Variants in GALNT2 observed in about 807,000 individuals in gnomAD.
GALNT2 encodes the protein polypeptide N-acetylgalactosaminyltransferase 2, also known as UDP-GalNAc:polypeptide N-acetylgalactosaminyltransferase 2.
GALNT2 carries 31 observed loss-of-function variants against 81.4 expected under a neutral mutation model. That is an observed-to-expected ratio of 0.38 (90% CI 0.29 to 0.51). The LOEUF is 0.51. Among genes scored for constraint, GALNT2 ranks in the 20% least tolerant of loss-of-function variants. The pLI is 0.87. For synonymous variants in GALNT2, 303 were observed against 287.4 expected (o/e 1.05, Z -0.55); for missense variants, 629 against 765.7 (o/e 0.82, Z 2.11).
rs753154226 is a variant in GALNT2, at chr1:230,274,486, T to C, written c.1482T>C (p.Asp494=). ...AGGAGAAGTCGGTGAAGCACATGGATTTGTGCCTTACTGTGGTGGACCGGG... is the reference window on the plus strand; with the variant it reads ...AGGAGAAGTCGGTGAAGCACATGGACTTGTGCCTTACTGTGGTGGACCGGG... ...LTKEKSVKHM[D]LCLTVVDRAP... The change falls in exon 15 of 16, where the codon GAT becomes GAC. Residue 494 remains aspartate (D), a synonymous_variant. Transcript: ENST00000366672. 6 of 1,613,764 alleles carry C rather than the reference T, an allele frequency of 3.7e-6. No individual in the cohort carries two copies. In the East Asian group the frequency reaches 1.3e-4, roughly 36 times the overall value.
At chr1:230,160,574 C>A (rs538701360) in intron 1 of GALNT2, among the ~76,000 whole-genome samples, 1 of 152,016 alleles carries the variant, frequency 6.6e-6, no homozygotes, top group African/African-American at 2.4e-5. Context: ...ATTAGCCGGT[C>A]GTGGTAGTGG....
chr1:230,103,866 C>G (rs1660467531), intron 1 of GALNT2, among the ~76,000 whole-genome samples: 1 of 152,186 alleles, frequency 6.6e-6, no homozygotes, highest in Non-Finnish European at 1.5e-5. Flanking sequence ...CTCCCCTTCT[C>G]CTAGTCATTT....
rs1660413100 is a variant in GALNT2 at position 230,101,869 on chromosome 1, C to T, written c.126+34463C>T. Among the ~76,000 whole-genome samples the T allele has an allele frequency of 3.3e-5, 5 of 152,214 alleles. No homozygotes were observed. The South Asian group carries it at 1.0e-3, about 32-fold the overall frequency. ...GGAGAGGATTGATGTGTAGTAAGGACAGTCCGTAGGAGAGATTTAGTGGGG... is the reference window on the plus strand; with the variant it reads ...GGAGAGGATTGATGTGTAGTAAGGATAGTCCGTAGGAGAGATTTAGTGGGG... On this transcript the variant is annotated intron_variant, in intron 1 of 15. Transcript: ENST00000366672.
chr1:230,225,808 C>T (rs1190599389), intron 3 of GALNT2, among the ~76,000 whole-genome samples: 1 of 151,920 alleles, frequency 6.6e-6, no homozygotes, highest in Admixed American at 6.6e-5. Flanking sequence ...ACACCTCTCA[C>T]TTTTCTGTGT....
At chr1:230,208,577 G>A (rs6682595) in intron 3 of GALNT2, among the ~76,000 whole-genome samples, 49,895 of 152,080 alleles carry the variant, frequency 0.33, 8,286 homozygotes, top group Middle Eastern at 0.36. Flanking sequence ...TGGGTGTTAA[G>A]CCCAAGGGAA....
Position 230,243,315 on chromosome 1 carries a change from G to T in GALNT2, c.617G>T (p.Arg206Leu). Residue 206 changes from arginine (R) to leucine (L), a missense_variant, in exon 7 of 16, where the codon CGC becomes CTC. Coordinates refer to ENST00000366672, the MANE Select transcript of GALNT2 (RefSeq NM_004481.5). The surrounding 1 kb of genome is among the most constrained non-coding windows in gnomAD (Gnocchi z 4.2). The part of the protein sequence containing the change: ...LRNDRREGLM[R>L]SRVRGADAAQ... ...CAACTCGCCTCTGCAGGCCTCATGCGCTCACGGGTTCGGGGGGCCGATGCT... is the reference window on the plus strand; with the variant it reads ...CAACTCGCCTCTGCAGGCCTCATGCTCTCACGGGTTCGGGGGGCCGATGCT... 1 of 1,605,196 alleles carries T rather than the reference G, an allele frequency of 6.2e-7. No individual in the cohort carries two copies. Among genetic ancestry groups the T allele is most frequent in the Non-Finnish European group, 8.5e-7 (1 of 1,178,544 alleles).
chr1:230,246,579 C>T (rs931030080), intron 8 of GALNT2, among the ~76,000 whole-genome samples: 2 of 152,186 alleles, frequency 1.3e-5, no homozygotes, highest in Non-Finnish European at 1.5e-5. Flanking sequence ...TGGTCTCTTT[C>T]TGGTTGCTCA....
chr1:230,195,980 C>A (rs186283650), intron 2 of GALNT2, among the ~76,000 whole-genome samples: 19 of 152,294 alleles, frequency 1.2e-4, no homozygotes, highest in Admixed American at 9.2e-4. Flanking sequence ...GCACCAGGGT[C>A]GTCAGCCTCC....
intron 2 of GALNT2, among the ~76,000 whole-genome samples, chr1:230,192,646 A>G (rs1663566747): frequency 6.6e-6 from 1 of 152,270 alleles, no homozygotes; most frequent in East Asian, 1.9e-4. Flanking sequence ...ATTGCACTTT[A>G]TCAATTTGAT....
At chr1:230,149,282 G>A (rs578127195) in intron 1 of GALNT2, among the ~76,000 whole-genome samples, 11 of 152,232 alleles carry the variant, frequency 7.2e-5, no homozygotes, top group Admixed American at 6.5e-4. Context: ...TCCTGGAGCG[G>A]GTGGGAGGAC....
intron 1 of GALNT2, among the ~76,000 whole-genome samples, chr1:230,126,565 A>T (rs1203333042): frequency 1.3e-5 from 2 of 152,158 alleles, no homozygotes; most frequent in African/African-American, 4.8e-5. Flanking sequence ...TCGCGGGTAG[A>T]AACATGAGCG....
At chr1:230,085,966 G>A (rs1209267591) in intron 1 of GALNT2, among the ~76,000 whole-genome samples, 10 of 152,192 alleles carry the variant, frequency 6.6e-5, no homozygotes, top group African/African-American at 9.7e-5. Context: ...TGGGCTCACC[G>A]TATGTCCACA....
intron 2 of GALNT2, among the ~76,000 whole-genome samples, chr1:230,188,394 C>T (rs572853261): frequency 1.3e-5 from 2 of 152,290 alleles, no homozygotes; most frequent in African/African-American, 4.8e-5. Flanking sequence ...AACCTGGGAG[C>T]ACGGGATCTG....
rs1331271041 is a variant in GALNT2, at chr1:230,282,108, A to G, written c.*2650A>G. ...AAAATTGTTTAACTTAAATAAAGAG[A>G]AGATACTTTCTAGATACCGCTCTTT... is the stretch of plus-strand genomic sequence containing the variant. On this transcript the variant is annotated 3_prime_UTR_variant, in exon 16 of 16. Transcript: ENST00000366672. 1 of 151,920 alleles carries G rather than the reference A, an allele frequency of 6.6e-6. No individual in the cohort carries two copies. Among genetic ancestry groups the G allele is most frequent in the African/African-American group, 2.4e-5 (1 of 41,364 alleles). 9.4% of individuals were successfully genotyped at this position (151,920 alleles called of 1,614,324 possible). A position where few individuals can be genotyped will look rare whatever the true frequency, so the allele number is the denominator to read the frequency against.
rs114561794 is a variant in GALNT2 at position 230,272,071 on chromosome 1, T to A, written c.1441-2374T>A. On this transcript the variant is annotated intron_variant, in intron 14 of 15. Transcript: ENST00000366672. ...CGGGGTCAAAGACCAAACACTAGAA[T>A]GAAAGATGCTCCTAAAACCCCTGTG... Among the ~76,000 whole-genome samples the A allele has an allele frequency of 2.4e-3, 364 of 152,228 alleles. 2 individuals carry two copies. The highest frequency in any genetic ancestry group is 8.4e-3 in the African/African-American group (349 of 41,546).
chr1:230,121,300 G>A (rs1162481229), intron 1 of GALNT2, among the ~76,000 whole-genome samples: 5 of 152,242 alleles, frequency 3.3e-5, no homozygotes, highest in Non-Finnish European at 5.9e-5. Flanking sequence ...ACCTGAGGAG[G>A]CGCTGTCTTA....
intron 1 of GALNT2, among the ~76,000 whole-genome samples, chr1:230,135,609 G>T (rs1429262923): frequency 6.6e-6 from 1 of 152,116 alleles, no homozygotes; most frequent in Non-Finnish European, 1.5e-5. Context: ...AGCTGAGTGT[G>T]GGGGGCCCTT....
intron 11 of GALNT2, among the ~76,000 whole-genome samples, chr1:230,260,592 G>C (rs1257708950): frequency 1.3e-5 from 2 of 152,162 alleles, no homozygotes; most frequent in African/African-American, 4.8e-5. Context: ...GTCCCTGTTG[G>C]GGAAATCCAG....
chr1:230,144,153 G>T (rs971635750), intron 1 of GALNT2, among the ~76,000 whole-genome samples: 1 of 152,188 alleles, frequency 6.6e-6, no homozygotes, highest in Non-Finnish European at 1.5e-5. Flanking sequence ...GGTAGGAGAC[G>T]TCTCCGTGCT....
Sources: allele counts gnomAD v4.1 joint callset (sites outside exome capture counted in the v4.1 genomes callset), GRCh38; gene constraint gnomAD v4.1.1; non-coding constraint Gnocchi (gnomAD v3.1); transcripts MANE v1.5; gene names NCBI Gene and HGNC (gene_info 2026-07-23, HGNC 2026-07-21).